The following RPL5 variants were observed in gnomAD, a reference collection of about 807,000 sequenced individuals.
RPL5 encodes the protein large ribosomal subunit protein uL18.
In RPL5, 1 loss-of-function variant was observed where a neutral mutation model predicts 38.4. The ratio of observed to expected loss-of-function variants is 0.03; its 90% CI spans 0.01 to 0.12. The LOEUF (loss-of-function observed/expected upper bound fraction) is 0.12, where lower values mean the gene tolerates loss of function less well. Ranked by LOEUF, RPL5 falls within the 10% of genes least tolerant of loss-of-function variation. The pLI is 1.00. For synonymous variants in RPL5, 109 were observed against 121.2 expected (o/e 0.90, Z 0.66); for missense variants, 243 against 374.1 (o/e 0.65, Z 2.89).
chr1:92,836,167 A>C, intron 4 of RPL5, 23 bp from the exon 5 acceptor site: 1 of 1,595,938 alleles, frequency 6.3e-7, no homozygotes, highest in Non-Finnish European at 8.6e-7. Context: ...TGAAACCAGC[A>C]TTTACATTGG....
chr1:92,840,851 C>G, intron 7 of RPL5: 1 of 682,578 alleles, frequency 1.5e-6, no homozygotes. Flanking sequence ...CTAGTACAGT[C>G]TAAGTACTGG....
At chr1:92,837,333 C>T (rs1232089398) in intron 5 of RPL5, 123 bp from the exon 6 acceptor site, 2 of 859,418 alleles carry the variant, frequency 2.3e-6, no homozygotes, top group South Asian at 2.7e-5. Flanking sequence ...GTAGTTGGTC[C>T]TTTGGTTGCA....
At chr1:92,840,414 TAA>T (rs1557443920) in intron 6 of RPL5, 135 bp from the exon 7 acceptor site, 1 of 710,192 alleles carries the variant, frequency 1.4e-6, no homozygotes, top group Admixed American at 2.2e-5. Context: ...ATTTAGAAGT[TAA>T]AGTGTTTACC....
intron 6 of RPL5, among the ~76,000 whole-genome samples, chr1:92,838,474 T>C (rs1195677366): frequency 6.6e-6 from 1 of 152,244 alleles, no homozygotes; most frequent in East Asian, 1.9e-4. Context: ...CTCAGAACTT[T>C]TCAGACTCCC....
chr1:92,832,993 G>T (rs780882370), intron 1 of RPL5: 1 of 735,864 alleles, frequency 1.4e-6, no homozygotes, highest in Non-Finnish European at 2.5e-6. Context: ...GCTGTCTGGA[G>T]CAGTGCTTCG....
intron 4 of RPL5, 158 bp downstream of exon 4, chr1:92,835,071 T>C: frequency 9.5e-7 from 1 of 1,048,692 alleles, no homozygotes. Flanking sequence ...CTAGGTCAGC[T>C]CTTTCCAATA....
In RPL5 at chr1:92,832,073, A is replaced by C. The variant is rs145634330; in HGVS notation, c.-42A>C. The C allele has an allele frequency of 2.1e-3, 3,447 of 1,613,636 alleles. 9 individuals are homozygous for C. Among genetic ancestry groups the C allele is most frequent in the Middle Eastern group, 6.1e-3 (37 of 6,062 alleles). ...CACCCCCTAGCGCCGCTGGGCCTGC[A>C]GGTCTCTGTCGAGCAGCGGACGCCG... On this transcript the variant is annotated 5_prime_UTR_variant, in exon 1 of 8. Transcript: ENST00000370321.
At chr1:92,835,662 A>C (rs75802654) in intron 4 of RPL5, among the ~76,000 whole-genome samples, 1 of 137,642 alleles carries the variant, frequency 7.3e-6, no homozygotes, top group African/African-American at 2.9e-5. Flanking sequence ...CTGTGTCTCA[A>C]AAAAAAAAAA....
chr1:92,833,557 A>G lies in RPL5; in HGVS notation c.86A>G (p.Asp29Gly). ...KFRRRREGKT[D>G]YYARKRLVIQ... ...TTTTTTCTTTCAGAGGGTAAAACTG[A>G]TTATTATGCTCGGAAACGCTTGGTG... Residue 29 changes from aspartate to glycine, a missense_variant, in exon 3 of 8, where the codon GAT (aspartate) becomes GGT (glycine). Coordinates refer to ENST00000370321, the MANE Select transcript of RPL5 (RefSeq NM_000969.5). The G allele has an allele frequency of 6.2e-7, 1 of 1,613,854 alleles. No individual in the cohort carries two copies. Among genetic ancestry groups the G allele is most frequent in the Non-Finnish European group, 8.5e-7 (1 of 1,179,938 alleles).
At chr1:92,831,988 T>A, upstream of RPL5, 1 of 1,447,414 alleles carries the variant, frequency 6.9e-7, no homozygotes, top group Non-Finnish European at 9.5e-7. Flanking sequence ...CTTTCACACG[T>A]CACTGGCGTG....
chr1:92,834,687 A>AT (rs1343664913), intron 3 of RPL5, 92 bp from the exon 4 acceptor site: 1 of 1,529,640 alleles, frequency 6.5e-7, no homozygotes, highest in Admixed American at 1.7e-5. Context: ...ATCTGTGTCC[A>AT]TCAATGTTTT....
chr1:92,836,837 G>A, intron 5 of RPL5: 1 of 208,632 alleles, frequency 4.8e-6, no homozygotes, highest in Non-Finnish European at 9.8e-6. Context: ...GAATAAGATT[G>A]TAGGCCATTT....
chr1:92,832,083 C>G lies in RPL5; in HGVS notation c.-32C>G. 4 of 1,613,852 alleles carry G rather than the reference C, an allele frequency of 2.5e-6. No homozygotes were observed. The highest frequency in any genetic ancestry group is 3.4e-6 in the Non-Finnish European group (4 of 1,179,898). ...CGCCGCTGGGCCTGCAGGTCTCTGT[C>G]GAGCAGCGGACGCCGGTCTCTGTTC... On this transcript the variant is annotated 5_prime_UTR_variant, in exon 1 of 8. Transcript: ENST00000370321.
At chr1:92,835,714 C>T (rs913404892) in intron 4 of RPL5, among the ~76,000 whole-genome samples, 5 of 149,042 alleles carry the variant, frequency 3.4e-5, no homozygotes, top group South Asian at 2.1e-4. Flanking sequence ...TGGCCATTGA[C>T]GGGAAGATTC....
chr1:92,837,419 G>A, intron 5 of RPL5, 37 bp from the exon 6 acceptor site: 1 of 1,561,600 alleles, frequency 6.4e-7, no homozygotes, highest in Non-Finnish European at 8.8e-7. Context: ...ACTAAGTTAA[G>A]TGAGTCTATA....
At chr1:92,835,870 G>A (rs1687103927) in intron 4 of RPL5, among the ~76,000 whole-genome samples, 2 of 152,152 alleles carry the variant, frequency 1.3e-5, no homozygotes, top group South Asian at 4.1e-4. Context: ...TTATAAACAT[G>A]TTTTAATGGA....
At chr1:92,839,938 T>C (rs1040177140) in intron 6 of RPL5, among the ~76,000 whole-genome samples, 2 of 151,950 alleles carry the variant, frequency 1.3e-5, no homozygotes, top group African/African-American at 4.8e-5. Context: ...ACTTCTGGGC[T>C]CAAGCAATTC....
At chr1:92,836,129 A>G (rs1049301805) in intron 4 of RPL5, 61 bp from the exon 5 acceptor site, 2 of 1,478,866 alleles carry the variant, frequency 1.4e-6, no homozygotes, top group African/African-American at 1.4e-5. Flanking sequence ...GACATAAGCT[A>G]TTTTAATTTT....
intron 3 of RPL5, 161 bp downstream of exon 3, chr1:92,833,821 C>G (rs1031812350): frequency 4.7e-6 from 3 of 632,158 alleles, no homozygotes; most frequent in Non-Finnish European, 8.3e-6. Flanking sequence ...AACCTGGGAA[C>G]TTGGTACTTT....
Sources: gnomAD v4.1 joint callset for allele counts (sites outside exome capture counted in the v4.1 genomes callset) on GRCh38, gnomAD v4.1.1 for gene constraint, MANE v1.5 for transcripts, NCBI Gene and HGNC (gene_info 2026-07-23, HGNC 2026-07-21) for gene names.